The following MACROD2 variants were observed in gnomAD, a reference collection of about 807,000 sequenced individuals.
MACROD2 encodes ADP-ribose glycohydrolase MACROD2.
A neutral mutation model predicts 70.4 loss-of-function variants in MACROD2; 36 were observed. That is an observed-to-expected ratio of 0.51 (90% CI 0.39 to 0.68). The LOEUF (loss-of-function observed/expected upper bound fraction) is 0.68, where lower values mean the gene tolerates loss of function less well. Among genes scored for constraint, MACROD2 ranks in the 30% least tolerant of loss-of-function variants. The pLI, the probability that MACROD2 is intolerant of heterozygous loss-of-function variation, is 0.00. For synonymous variants in MACROD2, 172 were observed against 178.8 expected (o/e 0.96, Z 0.30); for missense variants, 496 against 538.4 (o/e 0.92, Z 0.78).
intron 6 of MACROD2, among the ~76,000 whole-genome samples, chr20:15,304,261 C>G (rs1426154595): frequency 6.6e-6 from 1 of 152,104 alleles, no homozygotes; most frequent in East Asian, 1.9e-4. Flanking sequence ...TCAGAGGTAG[C>G]AATGGGACCA....
chr20:15,638,554 G>C (rs1352272227), intron 8 of MACROD2, among the ~76,000 whole-genome samples: 2 of 152,182 alleles, frequency 1.3e-5, no homozygotes, highest in Admixed American at 1.3e-4. Flanking sequence ...TGAACCTCAG[G>C]ACTGTGGGCA....
intron 5 of MACROD2, among the ~76,000 whole-genome samples, chr20:14,742,200 C>T (rs1273880516): frequency 6.6e-6 from 1 of 152,074 alleles, no homozygotes; most frequent in East Asian, 1.9e-4. Context: ...GAGGTTGTGG[C>T]TGGTAATATT....
intron 5 of MACROD2, among the ~76,000 whole-genome samples, chr20:15,211,122 A>G (rs2145947320): frequency 6.6e-6 from 1 of 152,278 alleles, no homozygotes; most frequent in South Asian, 2.1e-4. Context: ...CCACTCCTTG[A>G]CAACCATTAA....
intron 8 of MACROD2, among the ~76,000 whole-genome samples, chr20:15,539,972 A>T (rs894058258): frequency 1.3e-5 from 2 of 152,236 alleles, no homozygotes; most frequent in Admixed American, 1.3e-4. Context: ...TGGGCGACAG[A>T]GCGAGACTCC....
intron 4 of MACROD2, among the ~76,000 whole-genome samples, chr20:14,506,281 T>C (rs753373334): frequency 6.6e-5 from 10 of 152,262 alleles, no homozygotes; most frequent in South Asian, 6.2e-4. Flanking sequence ...TGTCCAAACC[T>C]GAGGCTGTAC....
At chr20:14,434,603 C>T (rs1194359254) in intron 3 of MACROD2, among the ~76,000 whole-genome samples, 1 of 152,178 alleles carries the variant, frequency 6.6e-6, no homozygotes, top group Non-Finnish European at 1.5e-5. Context: ...AAGCACATTG[C>T]TCCATCAGTT....
chr20:14,606,083 G>A (rs541059043), intron 4 of MACROD2, among the ~76,000 whole-genome samples: 1 of 152,110 alleles, frequency 6.6e-6, no homozygotes, highest in African/African-American at 2.4e-5. Flanking sequence ...TAGAATGGGC[G>A]CTTGTTACTA....
chr20:15,784,493 A>G (rs1319489553), intron 8 of MACROD2, among the ~76,000 whole-genome samples: 2 of 152,162 alleles, frequency 1.3e-5, no homozygotes, highest in Admixed American at 6.5e-5. Flanking sequence ...AATTCACTTG[A>G]AAACATTACT....
At chr20:15,951,589 T>C (rs1438466512) in intron 12 of MACROD2, among the ~76,000 whole-genome samples, 1 of 152,038 alleles carries the variant, frequency 6.6e-6, no homozygotes, top group Admixed American at 6.6e-5. Flanking sequence ...AAGGCAAAAA[T>C]TGATTATTTT....
intron 10 of MACROD2, among the ~76,000 whole-genome samples, chr20:15,917,045 G>A (rs751459915): frequency 2.0e-5 from 3 of 152,088 alleles, no homozygotes; most frequent in East Asian, 1.9e-4. Context: ...AGGCTGTACC[G>A]AGACAAGCCT....
At chr20:14,748,369 A>G (rs183701121) in intron 5 of MACROD2, among the ~76,000 whole-genome samples, 1 of 152,196 alleles carries the variant, frequency 6.6e-6, no homozygotes, top group African/African-American at 2.4e-5. Context: ...CCCTTCAAGA[A>G]ACCATCTCCA....
intron 10 of MACROD2, among the ~76,000 whole-genome samples, chr20:15,932,540 C>A (rs1196659985): frequency 6.6e-6 from 1 of 152,102 alleles, no homozygotes; most frequent in Non-Finnish European, 1.5e-5. Context: ...TGTATAAATT[C>A]ATCATTTTTA....
chr20:15,173,270 G>A (rs2076436403), intron 5 of MACROD2, among the ~76,000 whole-genome samples: 1 of 152,118 alleles, frequency 6.6e-6, no homozygotes. Flanking sequence ...TCCTGAAAAT[G>A]CTTCCTTTGA....
intron 5 of MACROD2, among the ~76,000 whole-genome samples, chr20:14,765,688 A>T (rs1341647743): frequency 2.0e-5 from 3 of 152,042 alleles, no homozygotes; most frequent in African/African-American, 7.3e-5. Context: ...AACGCCTTAG[A>T]AACCTGTATT....
chr20:15,325,001 C>T (rs2077912725), intron 6 of MACROD2, among the ~76,000 whole-genome samples: 1 of 141,570 alleles, frequency 7.1e-6, no homozygotes, highest in Admixed American at 7.1e-5. Context: ...CACAGGTGGA[C>T]AAAGTGTTCA....
intron 15 of MACROD2, among the ~76,000 whole-genome samples, chr20:15,997,004 T>C (rs981913855): frequency 4.3e-4 from 66 of 152,192 alleles, no homozygotes; most frequent in African/African-American, 1.5e-3. Context: ...CAAGTATTAA[T>C]TGACTTTATA....
rs180879109 is a variant in MACROD2, at chr20:15,420,213, C to T, written c.541-11192C>T. On this transcript the variant is annotated intron_variant, in intron 6 of 17. Coordinates refer to ENST00000684519, the MANE Select transcript of MACROD2 (RefSeq NM_001351661.2). ...GGTGAAACTAATCCAGCTGTCTTCT[C>T]GGAAAATAAAAAGTTTGAAAGAGGG... 3.3e-3 allele frequency among the ~76,000 whole-genome samples: 499 copies of T among 152,176 alleles called. 1 individual carries two copies. Among genetic ancestry groups the T allele is most frequent in the African/African-American group, 9.6e-3 (399 of 41,526 alleles).
intron 3 of MACROD2, among the ~76,000 whole-genome samples, chr20:14,181,195 A>G (rs141079473): frequency 2.6e-3 from 401 of 151,774 alleles, no homozygotes; most frequent in Non-Finnish European, 4.3e-3. Context: ...CAGCCTCCCA[A>G]ATAGATGAGA....
At chr20:14,748,952 T>C (rs1441036806) in intron 5 of MACROD2, among the ~76,000 whole-genome samples, 1 of 152,100 alleles carries the variant, frequency 6.6e-6, no homozygotes, top group East Asian at 1.9e-4. Flanking sequence ...GATCTTTGTG[T>C]TGATTTCAGC....
Sources: allele counts gnomAD v4.1 joint callset (sites outside exome capture counted in the v4.1 genomes callset), GRCh38; gene constraint gnomAD v4.1.1; transcripts MANE v1.5; gene names NCBI Gene and HGNC (gene_info 2026-07-23, HGNC 2026-07-21).